The following PRPF3 variants were observed in gnomAD, a reference collection of about 807,000 sequenced individuals.
The protein encoded by PRPF3 is U4/U6 small nuclear ribonucleoprotein Prp3.
PRPF3 carries 3 observed loss-of-function variants against 89.2 expected under a neutral mutation model. The observed-to-expected ratio is 0.03, with a 90% CI of 0.02 to 0.09. PRPF3 has a LOEUF of 0.09. Among genes scored for constraint, PRPF3 ranks in the 10% least tolerant of loss-of-function variants. The pLI is 1.00. For synonymous variants in PRPF3, 270 were observed against 289.1 expected (o/e 0.93, Z 0.67); for missense variants, 463 against 828.8 (o/e 0.56, Z 5.42).
At chr1:150,342,522 A>T (rs1487112986) in intron 9 of PRPF3, among the ~76,000 whole-genome samples, 3 of 151,788 alleles carry the variant, frequency 2.0e-5, no homozygotes, top group African/African-American at 7.3e-5. Flanking sequence ...ACACACACAC[A>T]CACATGTTTT....
chr1:150,325,184 A>G (rs1383518556), intron 2 of PRPF3, 97 bp downstream of exon 2: 2 of 1,427,140 alleles, frequency 1.4e-6, no homozygotes, highest in Non-Finnish European at 1.9e-6. Flanking sequence ...AACATCTAAA[A>G]AAATGGCAGG....
chr1:150,328,421 C>T lies in PRPF3; in HGVS notation c.378C>T (p.Ile126=), dbSNP rs59082627. The change falls in exon 4 of 16, where the codon ATC becomes ATT. Residue 126 remains isoleucine (I), a synonymous_variant. Transcript: ENST00000324862. ...AGGTGGAAGAAGAGCCAGAGGTGAT[C>T]CCTGGGCCTCCATCAGAGAGCCCTG... The part of the protein sequence containing the change: ...FEEVEEEPEV[I]PGPPSESPGM... 11,012 of 1,613,890 alleles carry T rather than the reference C, an allele frequency of 6.8e-3. 602 individuals are homozygous for T. In the African/African-American group the frequency reaches 0.12, roughly 18 times the overall value.
rs1191372309 is a variant in PRPF3 at position 150,337,762 on chromosome 1, TA to T, written c.1036-397del. 1.9e-3 allele frequency among the ~76,000 whole-genome samples: 209 copies of T among 110,434 alleles called. 16 individuals carry two copies. The highest frequency in any genetic ancestry group is 4.7e-3 in the Middle Eastern group (1 of 212). The allele number at this position is 110,434 out of a possible 152,430, so 72.4% of individuals were successfully genotyped here. On this transcript the variant is annotated intron_variant, in intron 7 of 15. Transcript: ENST00000324862. ...CTGGGTGACAGAGTGAGACTCCGTCTACAAAAAAAAAAAAAAATATTTGGGA... is the reference window on the plus strand; with the variant it reads ...CTGGGTGACAGAGTGAGACTCCGTCTCAAAAAAAAAAAAAAATATTTGGGA...
Position 150,324,898 on chromosome 1 carries a change from T to G in PRPF3, c.-45T>G. 2 of 1,350,586 alleles carry G rather than the reference T, an allele frequency of 1.5e-6. No homozygotes were observed. The highest frequency in any genetic ancestry group is 1.0e-6 in the Non-Finnish European group (1 of 985,016). 83.7% of individuals were successfully genotyped at this position (1,350,586 alleles called of 1,614,324 possible). ...CTTGTCTCTTTTTTTTTTTTAGGTG[T>G]AGTATTGAGTCCTGTTTGAGCTATT... On this transcript the variant is annotated 5_prime_UTR_variant, in exon 2 of 16. Transcript: ENST00000324862.
intron 4 of PRPF3, among the ~76,000 whole-genome samples, chr1:150,331,273 G>A (rs1396387884): frequency 5.9e-5 from 9 of 152,124 alleles, no homozygotes; most frequent in South Asian, 4.2e-4. Flanking sequence ...TCCTGACCTC[G>A]TGATCCACCT....
At position 150,335,254 on chromosome 1, in the gene PRPF3, G is replaced by C; in HGVS notation, c.1035+13G>C. The C allele has an allele frequency of 6.2e-7, 1 of 1,611,258 alleles. No homozygotes were observed. The highest frequency in any genetic ancestry group is 8.5e-7 in the Non-Finnish European group (1 of 1,177,554). The stretch of plus-strand genomic sequence containing the variant: ...ATTACGGACAAAGGTATCTGGCTTA[G>C]AGTATAACACAGAATTTGGAAAAAG... On this transcript the variant is annotated intron_variant, in intron 7 of 15. Transcript: ENST00000324862.
Position 150,328,158 on chromosome 1 carries a change from G to C in PRPF3, c.277-162G>C, listed in dbSNP as rs757170088. ...TTAGGAGAATGTTGAAGTTGGGTGAGATGGAGAGTCTAGTAGACCCTGCTT... is the reference window on the plus strand; with the variant it reads ...TTAGGAGAATGTTGAAGTTGGGTGACATGGAGAGTCTAGTAGACCCTGCTT... On this transcript the variant is annotated intron_variant, in intron 3 of 15. Coordinates refer to ENST00000324862, the MANE Select transcript of PRPF3 (RefSeq NM_004698.4). 14 of 689,026 alleles carry C rather than the reference G, an allele frequency of 2.0e-5. 1 individual carries two copies. The highest frequency in any genetic ancestry group is 3.5e-5 in the Non-Finnish European group (14 of 401,712). 42.7% of individuals were successfully genotyped at this position (689,026 alleles called of 1,614,324 possible).
chr1:150,338,218 A>G lies in PRPF3; in HGVS notation c.1094A>G (p.His365Arg), dbSNP rs782314899. ...ISQAARKTGI[H>R]TSTRLALIAP... Reference sequence around the variant, plus strand: ...CAAGCAGCTCGAAAAACAGGCATCCATACTTCGACTAGGCTTGCCCTCATT... The same window carrying G: ...CAAGCAGCTCGAAAAACAGGCATCCGTACTTCGACTAGGCTTGCCCTCATT... The change falls in exon 8 of 16, where the codon CAT (histidine) becomes CGT (arginine). Residue 365 changes from histidine (H) to arginine (R), a missense_variant. His to Arg is a conservative substitution (Grantham distance 29). Coordinates refer to ENST00000324862, the MANE Select transcript of PRPF3 (RefSeq NM_004698.4). 6.8e-6 allele frequency: 11 copies of G among 1,614,066 alleles called. No homozygotes were observed. In the Admixed American group the frequency reaches 1.7e-4, roughly 24 times the overall value.
chr1:150,332,073 A>C (rs1237396436), intron 4 of PRPF3, among the ~76,000 whole-genome samples: 1 of 151,902 alleles, frequency 6.6e-6, no homozygotes, highest in Non-Finnish European at 1.5e-5. Context: ...AAATACAAAA[A>C]ATTAGCCGGG....
At chr1:150,323,291 C>T (rs1272624436) in intron 1 of PRPF3, among the ~76,000 whole-genome samples, 1 of 142,010 alleles carries the variant, frequency 7.0e-6, no homozygotes, top group African/African-American at 2.6e-5. Context: ...ATTTTCCTGC[C>T]TCTGCCTCAT....
intron 4 of PRPF3, 144 bp from the exon 5 acceptor site, chr1:150,332,540 G>C: frequency 1.3e-6 from 1 of 769,312 alleles, no homozygotes; most frequent in Admixed American, 2.2e-5. Flanking sequence ...TAAATTTTTT[G>C]CACTGTGGTG....
Position 150,335,046 on chromosome 1 carries a change from T to C in PRPF3, c.840T>C (p.Thr280=), listed in dbSNP as rs782523489. 4.3e-6 allele frequency: 7 copies of C among 1,614,062 alleles called. No homozygotes were observed. The East Asian group carries it at 1.6e-4, about 36-fold the overall frequency. Residue 280 remains threonine, a synonymous_variant, in exon 7 of 16, where the codon ACT becomes ACC. Transcript: ENST00000324862. ...TTGAGCTGACACACCGCATGCCTACTCTGAAAGCCAATATTCGTGCTGTGA... is the reference window on the plus strand; with the variant it reads ...TTGAGCTGACACACCGCATGCCTACCCTGAAAGCCAATATTCGTGCTGTGA... ...KEIELTHRMP[T]LKANIRAVKR...
chr1:150,337,165 A>T (rs58373639), intron 7 of PRPF3, among the ~76,000 whole-genome samples: 7,153 of 150,202 alleles, frequency 0.048, 424 homozygotes, highest in African/African-American at 0.13. Context: ...CAGCCTGCTG[A>T]GTAGCTGGGA....
intron 6 of PRPF3, among the ~76,000 whole-genome samples, chr1:150,333,553 C>T (rs1249611717): frequency 6.6e-6 from 1 of 152,046 alleles, no homozygotes; most frequent in Admixed American, 6.6e-5. Context: ...AGGGAGACTC[C>T]GGCTCAAAGA....
rs1553874727 is a variant in PRPF3, at chr1:150,352,904, G to A, written c.1977G>A (p.Glu659=). Residue 659 remains glutamate, a synonymous_variant, in exon 16 of 16, where the codon GAG becomes GAA. Coordinates refer to ENST00000324862, the MANE Select transcript of PRPF3 (RefSeq NM_004698.4). ...KQCPTENMAR[E]HFKKHGAEHY... ...GTCCTACAGAGAACATGGCTCGTGA[G>A]CATTTCAAAAAGCATGGGGCTGAAC... 3 of 1,614,078 alleles carry A rather than the reference G, an allele frequency of 1.9e-6. No homozygotes were observed. In the South Asian group the frequency reaches 3.3e-5, roughly 18 times the overall value.
At chr1:150,332,950 C>CGA (rs782145931) in intron 5 of PRPF3, 29 bp from the exon 6 acceptor site, 2 of 1,587,554 alleles carry the variant, frequency 1.3e-6, no homozygotes, top group African/African-American at 2.7e-5. Context: ...TGTCTTAATT[C>CGA]CTCTGATTTC....
intron 8 of PRPF3, 41 bp from the exon 9 acceptor site, chr1:150,340,357 C>A (rs370850911): frequency 7.2e-7 from 1 of 1,388,570 alleles, no homozygotes; most frequent in Non-Finnish European, 1.0e-6. Flanking sequence ...AGAATCATCT[C>A]TACCCGCATA....
At position 150,353,008 on chromosome 1, in the gene PRPF3, C is replaced by G. The variant is rs782311560; in HGVS notation, c.*29C>G. The G allele has an allele frequency of 1.1e-5, 17 of 1,613,446 alleles. No individual in the cohort carries two copies. Among genetic ancestry groups the G allele is most frequent in the Non-Finnish European group, 3.4e-6 (4 of 1,179,724 alleles). On this transcript the variant is annotated 3_prime_UTR_variant, in exon 16 of 16. Coordinates refer to ENST00000324862, the MANE Select transcript of PRPF3 (RefSeq NM_004698.4). ...TACTGCAAGCCCTTGCCTCTCCTCC[C>G]TTGCCTTTGTCTCTTCAGTCCTCTC... is the stretch of plus-strand genomic sequence containing the variant.
rs1390257225 is a variant in PRPF3 at position 150,346,470 on chromosome 1, A to T, written c.1822A>T (p.Thr608Ser). ...GCATCGGATAAAGTGGGATGAACAG[A>T]CATCTAACACAAAGGGAGATGGTGA... ...MLHRIKWDEQ[T>S]SNTKGDDDEE... The change falls in exon 14 of 16, where the codon ACA (threonine) becomes TCA (serine). Residue 608 changes from threonine (T) to serine (S), a missense_variant. Transcript: ENST00000324862. 6.2e-7 allele frequency: 1 copy of T among 1,613,632 alleles called. No homozygotes were observed. Among genetic ancestry groups the T allele is most frequent in the Admixed American group, 1.7e-5 (1 of 59,988 alleles).
Sources: allele counts gnomAD v4.1 joint callset (sites outside exome capture counted in the v4.1 genomes callset), GRCh38; gene constraint gnomAD v4.1.1; transcripts MANE v1.5; gene names NCBI Gene and HGNC (gene_info 2026-07-23, HGNC 2026-07-21).